The following FAM184A variants were observed in gnomAD, a reference collection of about 807,000 sequenced individuals.
FAM184A encodes protein FAM184A.
FAM184A carries 99 observed loss-of-function variants against 143.8 expected under a neutral mutation model. The observed-to-expected ratio is 0.69, with a 90% confidence interval of 0.58 to 0.81. The LOEUF is 0.81. Ranked by LOEUF, FAM184A falls within the 40% of genes least tolerant of loss-of-function variation. The probability of loss-of-function intolerance (pLI) is 0.00; values close to 1 mark genes in which losing one functional copy is unlikely to be tolerated. For missense variants in FAM184A, 1,217 were observed against 1,310.5 expected (o/e 0.93, Z 1.10); for synonymous variants, 427 against 446.4 (o/e 0.96, Z 0.55).
At chr6:119,049,939 A>G (rs1259025208) in intron 1 of FAM184A, among the ~76,000 whole-genome samples, 1 of 152,232 alleles carries the variant, frequency 6.6e-6, no homozygotes, top group Non-Finnish European at 1.5e-5. Flanking sequence ...TATGCATCTG[A>G]CAAAGATCTA....
At chr6:119,064,935 T>C (rs1787388343) in intron 1 of FAM184A, among the ~76,000 whole-genome samples, 1 of 152,204 alleles carries the variant, frequency 6.6e-6, no homozygotes, top group African/African-American at 2.4e-5. Flanking sequence ...CTACTATTGA[T>C]CTCTCCCTTT....
intron 1 of FAM184A, among the ~76,000 whole-genome samples, chr6:119,030,991 ATAG>A (rs1785849987): frequency 6.6e-6 from 1 of 152,182 alleles, no homozygotes; most frequent in South Asian, 2.1e-4. Flanking sequence ...TGAATAAGCA[ATAG>A]TAATTTTTAC....
chr6:118,998,139 ACTTC>A (rs1420204521), intron 9 of FAM184A, among the ~76,000 whole-genome samples: 1 of 152,144 alleles, frequency 6.6e-6, no homozygotes, highest in Non-Finnish European at 1.5e-5. Context: ...GCTCATCTTG[ACTTC>A]CTTGTCTCAG....
intron 1 of FAM184A, among the ~76,000 whole-genome samples, chr6:119,108,851 G>T (rs1788857742): frequency 2.6e-5 from 4 of 152,142 alleles, no homozygotes; most frequent in Admixed American, 2.6e-4. Context: ...CCACGCTCCA[G>T]GAAACAGAAG....
chr6:119,117,375 C>G (rs992824177), intron 1 of FAM184A, among the ~76,000 whole-genome samples: 1 of 152,220 alleles, frequency 6.6e-6, no homozygotes, highest in Non-Finnish European at 1.5e-5. Context: ...AGAGAATGTT[C>G]AATTAGCAAT....
chr6:119,125,605 A>G (rs1397529072), intron 1 of FAM184A, among the ~76,000 whole-genome samples: 1 of 152,196 alleles, frequency 6.6e-6, no homozygotes, highest in Non-Finnish European at 1.5e-5. Context: ...ATAAACCTAG[A>G]CGGACACACC....
chr6:119,078,084 G>T lies in FAM184A; in HGVS notation c.159+57C>A. ...GGCGCACTGCCTCCCGGGGAGACAGGTGAGTCCGGCGCGGCCCGCACGGGG... is the reference window on the plus strand; with the variant it reads ...GGCGCACTGCCTCCCGGGGAGACAGTTGAGTCCGGCGCGGCCCGCACGGGG... On this transcript the variant is annotated intron_variant, in intron 1 of 17. Coordinates refer to ENST00000338891, the MANE Select transcript of FAM184A (RefSeq NM_024581.6). This position sits in a 1 kb window ranked among gnomAD's most constrained non-coding sequence, Gnocchi z 5.5. 1.3e-6 allele frequency: 2 copies of T among 1,531,582 alleles called. No homozygotes were observed. The highest frequency in any genetic ancestry group is 3.9e-5 in the Admixed American group (2 of 50,776). The allele number at this position is 1,531,582 out of a possible 1,614,324, so 94.9% of individuals were successfully genotyped here. A position where few individuals can be genotyped will look rare whatever the true frequency, so the allele number is the denominator to read the frequency against.
chr6:119,060,770 T>C (rs1422403741), intron 1 of FAM184A, among the ~76,000 whole-genome samples: 2 of 152,158 alleles, frequency 1.3e-5, no homozygotes, highest in African/African-American at 2.4e-5. Flanking sequence ...TTTAAAACTG[T>C]GTAGCACCTC....
In FAM184A at chr6:119,011,327, C is replaced by T. The variant is rs771025439; in HGVS notation, c.1635G>A (p.Leu545=). ...TTCTTGCCTCTTGATTGGCTGTATT[C>T]AACTTGTCTTCCAGTACTTCCTTTA... ...ENLKEVLEDK[L]NTANQEIGHL... is the part of the protein sequence containing the mutation. Residue 545 remains leucine (L), a synonymous_variant, in exon 6 of 18, where the codon TTG becomes TTA. Transcript: ENST00000338891. 1.2e-6 allele frequency: 2 copies of T among 1,608,592 alleles called. No homozygotes were observed. The highest frequency in any genetic ancestry group is 2.7e-5 in the African/African-American group (2 of 74,594).
At chr6:119,052,814 T>G (rs1248695575) in intron 1 of FAM184A, among the ~76,000 whole-genome samples, 1 of 152,150 alleles carries the variant, frequency 6.6e-6, no homozygotes, top group Non-Finnish European at 1.5e-5. Context: ...CATAAGGAAT[T>G]TGAATTTCTA....
At position 119,024,359 on chromosome 6, in the gene FAM184A, T is replaced by C. The variant is rs756358325; in HGVS notation, c.614A>G (p.Gln205Arg). The C allele has an allele frequency of 1.2e-5, 20 of 1,614,224 alleles. No homozygotes were observed. Among genetic ancestry groups the C allele is most frequent in the Non-Finnish European group, 1.6e-5 (19 of 1,180,036 alleles). The change falls in exon 2 of 18, where the codon CAG becomes CGG. Residue 205 changes from glutamine (Q) to arginine (R), a missense_variant. Physicochemically the swap from Gln to Arg is conservative, Grantham distance 43. Transcript: ENST00000338891. ...RREIQELLKS[Q>R]QDHSASVNKG... ...ATTTACTGAGGCACTGTGATCCTGC[T>C]GTGACTTCAATAGCTCTTGTATCTC...
At chr6:118,989,624 A>T (rs1784306150) in intron 9 of FAM184A, among the ~76,000 whole-genome samples, 1 of 118,100 alleles carries the variant, frequency 8.5e-6, no homozygotes, top group South Asian at 2.4e-4. Flanking sequence ...TTCTATGTTG[A>T]CTTCATAACT....
chr6:119,015,041 G>C (rs1291741826), intron 5 of FAM184A, among the ~76,000 whole-genome samples: 5 of 150,524 alleles, frequency 3.3e-5, no homozygotes, highest in Admixed American at 3.3e-4. Context: ...TCCAGACTGA[G>C]AGACAGAGCG....
intron 1 of FAM184A, among the ~76,000 whole-genome samples, chr6:119,139,355 A>T (rs1005085193): frequency 1.3e-5 from 2 of 152,152 alleles, no homozygotes; most frequent in Non-Finnish European, 2.9e-5. Context: ...AGAAGGGCCC[A>T]GCAGTTTGTT....
chr6:119,110,140 T>C (rs80039895), intron 1 of FAM184A, among the ~76,000 whole-genome samples: 1,671 of 152,266 alleles, frequency 0.011, 20 homozygotes, highest in South Asian at 0.042. Context: ...GCAGTCCACC[T>C]ACAGATGGGT....
chr6:119,037,364 CTA>C (rs1786153224), intron 1 of FAM184A, among the ~76,000 whole-genome samples: 1 of 152,148 alleles, frequency 6.6e-6, no homozygotes, highest in South Asian at 2.1e-4. Flanking sequence ...CAGGGCTTCA[CTA>C]TGTTGCCCAG....
At chr6:119,069,788 T>C (rs1242596594) in intron 1 of FAM184A, among the ~76,000 whole-genome samples, 2 of 152,258 alleles carry the variant, frequency 1.3e-5, no homozygotes, top group East Asian at 3.9e-4. Context: ...TGAAAACTTA[T>C]TAACCCCTAT....
chr6:119,034,581 A>T (rs866686953), intron 1 of FAM184A, among the ~76,000 whole-genome samples: 539 of 22,398 alleles, frequency 0.024, 9 homozygotes, highest in African/African-American at 0.042. Context: ...TTTTTTTTTT[A>T]AAAAAACCTT....
intron 1 of FAM184A, among the ~76,000 whole-genome samples, chr6:119,076,253 C>T (rs960270166): frequency 6.6e-6 from 1 of 152,110 alleles, no homozygotes; most frequent in Admixed American, 6.5e-5. Flanking sequence ...ACTGAGAAAC[C>T]TAGTATGAAG....
Sources: gnomAD v4.1 joint callset for allele counts (sites outside exome capture counted in the v4.1 genomes callset) on GRCh38, gnomAD v4.1.1 for gene constraint, Gnocchi (gnomAD v3.1) non-coding constraint, MANE v1.5 for transcripts, NCBI Gene and HGNC (gene_info 2026-07-23, HGNC 2026-07-21) for gene names.